WWP2: variants seen among roughly 807,000 people sequenced by gnomAD.
WWP2 encodes the protein WW domain containing E3 ubiquitin protein ligase 2.
A neutral mutation model predicts 121.0 loss-of-function variants in WWP2; 57 were observed. That is an observed-to-expected ratio of 0.47 (90% CI 0.38 to 0.59). WWP2 has a LOEUF of 0.59. Among genes scored for constraint, WWP2 ranks in the 20% least tolerant of loss-of-function variants. The probability of loss-of-function intolerance (pLI) is 0.00; values close to 1 mark genes in which losing one functional copy is unlikely to be tolerated. For missense variants in WWP2, 962 were observed against 1,158.9 expected, an observed-to-expected ratio of 0.83 and a Z score of 2.47; for synonymous variants, 449 against 441.3, an observed-to-expected ratio of 1.02 and a Z score of -0.22.
At chr16:69,835,830 T>A (rs1597026022) in intron 4 of WWP2, among the ~76,000 whole-genome samples, 1 of 144,708 alleles carries the variant, frequency 6.9e-6, no homozygotes, top group African/African-American at 2.6e-5. Flanking sequence ...TGAGACAGAG[T>A]CTTGCTCTGT....
At chr16:69,811,298 C>T (rs1475188336) in intron 4 of WWP2, among the ~76,000 whole-genome samples, 1 of 152,004 alleles carries the variant, frequency 6.6e-6, no homozygotes, top group East Asian at 1.9e-4. Context: ...TTTCCCTCCC[C>T]AATTTTTGTA....
chr16:69,912,287 A>T (rs952069132), intron 9 of WWP2, among the ~76,000 whole-genome samples: 1 of 150,254 alleles, frequency 6.7e-6, no homozygotes, highest in African/African-American at 2.5e-5. Context: ...GCGAGACTCC[A>T]TCTCAAAAAA....
intron 6 of WWP2, among the ~76,000 whole-genome samples, chr16:69,852,086 A>G (rs1290525866): frequency 6.6e-6 from 1 of 152,202 alleles, no homozygotes; most frequent in Non-Finnish European, 1.5e-5. Context: ...TTAGTTTTGT[A>G]AGAAACTGCT....
intron 4 of WWP2, among the ~76,000 whole-genome samples, chr16:69,828,726 C>T (rs2056745764): frequency 6.6e-6 from 1 of 152,108 alleles, no homozygotes; most frequent in Admixed American, 6.6e-5. Flanking sequence ...GTCTTGAACT[C>T]CTCACCTCAG....
At position 69,937,761 on chromosome 16, in the gene WWP2, G is replaced by T; in HGVS notation, c.2343+109G>T. ...GACCTTCAGCTTTGGCCCTGTCCTTGCCTCCCACACCTTGCAAAAGGAGAC... is the reference window on the plus strand; with the variant it reads ...GACCTTCAGCTTTGGCCCTGTCCTTTCCTCCCACACCTTGCAAAAGGAGAC... On this transcript the variant is annotated intron_variant, in intron 21 of 23. Transcript: ENST00000359154. The surrounding 1 kb of genome is among the most constrained non-coding windows in gnomAD (Gnocchi z 6.6). 1 of 1,013,512 alleles carries T rather than the reference G, an allele frequency of 9.9e-7. No individual in the cohort carries two copies. The allele number at this position is 1,013,512 out of a possible 1,614,324, so 62.8% of individuals were successfully genotyped here. A position where few individuals can be genotyped will look rare whatever the true frequency, so the allele number is the denominator to read the frequency against.
chr16:69,874,906 C>A (rs1044579884), intron 7 of WWP2, among the ~76,000 whole-genome samples: 6 of 152,028 alleles, frequency 3.9e-5, no homozygotes, highest in African/African-American at 1.4e-4. Context: ...TCTGTAGTCC[C>A]TGCTACTCAG....
At chr16:69,884,605 G>T (rs150466869) in intron 7 of WWP2, among the ~76,000 whole-genome samples, 2,612 of 152,296 alleles carry the variant, frequency 0.017, 77 homozygotes, top group African/African-American at 0.059. Context: ...TCCAGCCTGG[G>T]TGACAGAGCA....
At chr16:69,906,361 C>T (rs1000582634) in intron 8 of WWP2, among the ~76,000 whole-genome samples, 15 of 152,248 alleles carry the variant, frequency 9.9e-5, no homozygotes, top group South Asian at 4.1e-4. Context: ...TGTCAGCCAC[C>T]GCACCCGGCC....
chr16:69,826,675 C>A (rs934084504), intron 4 of WWP2, among the ~76,000 whole-genome samples: 1 of 145,878 alleles, frequency 6.9e-6, no homozygotes, highest in African/African-American at 2.6e-5. Flanking sequence ...GTCAGGAGAT[C>A]GAGACCATCC....
chr16:69,838,416 G>A (rs1318651), intron 4 of WWP2, among the ~76,000 whole-genome samples: 125,949 of 149,750 alleles, frequency 0.84, 53,268 homozygotes, highest in Admixed American at 0.9. Context: ...GGATCTTGGC[G>A]TAATAGAGGA....
Position 69,842,189 on chromosome 16 carries a change from AT to A in WWP2, c.575+70del, listed in dbSNP as rs1050172206. ...AGAGCTATTGAAAACATGTTGGGAC[AT>A]GGCGGGGAACATTTTATGGTAGAAA... On this transcript the variant is annotated intron_variant, in intron 6 of 23. Coordinates refer to ENST00000359154, the MANE Select transcript of WWP2 (RefSeq NM_001270454.2). 2.8e-6 allele frequency: 4 copies of A among 1,435,682 alleles called. No individual in the cohort carries two copies. The Admixed American group carries it at 7.8e-5, about 28-fold the overall frequency. 88.9% of individuals were successfully genotyped at this position (1,435,682 alleles called of 1,614,324 possible). A position where few individuals can be genotyped will look rare whatever the true frequency, so the allele number is the denominator to read the frequency against.
intron 4 of WWP2, among the ~76,000 whole-genome samples, chr16:69,806,461 C>T (rs546099280): frequency 1.2e-3 from 178 of 152,282 alleles, no homozygotes; most frequent in South Asian, 3.9e-3. Flanking sequence ...ACTTTGGGAA[C>T]AGTCTCTATA....
chr16:69,860,888 C>G (rs987161836), intron 6 of WWP2, among the ~76,000 whole-genome samples: 6 of 152,188 alleles, frequency 3.9e-5, no homozygotes, highest in African/African-American at 9.6e-5. Flanking sequence ...CTGTAGTCCC[C>G]CATTCATTCA....
intron 7 of WWP2, among the ~76,000 whole-genome samples, chr16:69,884,070 C>T (rs1484640111): frequency 1.3e-5 from 2 of 152,136 alleles, no homozygotes; most frequent in African/African-American, 4.8e-5. Flanking sequence ...CCTCCAAGGC[C>T]CACTGTTGTG....
At chr16:69,800,326 C>G (rs760877696) in intron 4 of WWP2, among the ~76,000 whole-genome samples, 22 of 152,112 alleles carry the variant, frequency 1.4e-4, no homozygotes, top group Non-Finnish European at 2.6e-4. Flanking sequence ...CAAACCCTAG[C>G]CAGCCTTTTG....
chr16:69,912,955 A>AATATATATATATAT (rs1567427338), intron 9 of WWP2, among the ~76,000 whole-genome samples: 5 of 8,338 alleles, frequency 6.0e-4, no homozygotes, highest in Non-Finnish European at 6.3e-4. Context: ...AAAAAAAAAA[A>AATATATATATATAT]ATATATATAT....
chr16:69,922,836 C>T (rs2151978905), intron 10 of WWP2, among the ~76,000 whole-genome samples: 1 of 151,942 alleles, frequency 6.6e-6, no homozygotes, highest in South Asian at 2.1e-4. Flanking sequence ...AGGATCAGCT[C>T]CCATTGATTC....
intron 8 of WWP2, among the ~76,000 whole-genome samples, chr16:69,899,449 G>T (rs1344144006): frequency 6.6e-6 from 1 of 152,134 alleles, no homozygotes; most frequent in Non-Finnish European, 1.5e-5. Flanking sequence ...CAAGATGTGG[G>T]CCGGGTGCAA....
intron 4 of WWP2, among the ~76,000 whole-genome samples, chr16:69,833,188 G>A (rs1688204845): frequency 6.6e-6 from 1 of 152,228 alleles, no homozygotes; most frequent in African/African-American, 2.4e-5. Context: ...TCTGAGTCAG[G>A]AACCAAACAA....
Sources: allele counts gnomAD v4.1 joint callset (sites outside exome capture counted in the v4.1 genomes callset), GRCh38; gene constraint gnomAD v4.1.1; non-coding constraint Gnocchi (gnomAD v3.1); transcripts MANE v1.5; gene names NCBI Gene and HGNC (gene_info 2026-07-23, HGNC 2026-07-21).